Variants in TRAK1 observed in about 807,000 individuals in gnomAD.
TRAK1 encodes trafficking kinesin protein 1.
TRAK1 carries 33 observed loss-of-function variants against 92.1 expected under a neutral mutation model. That is an observed-to-expected ratio of 0.36 (90% CI 0.27 to 0.48). The LOEUF is 0.48. Ranked by LOEUF, TRAK1 falls within the 20% of genes least tolerant of loss-of-function variation. TRAK1 has a pLI of 0.99. For missense variants in TRAK1, 1,123 were observed against 1,257.9 expected, an observed-to-expected ratio of 0.89 and a Z score of 1.62; for synonymous variants, 521 against 517.3, an observed-to-expected ratio of 1.01 and a Z score of -0.10.
intron 1 of TRAK1, among the ~76,000 whole-genome samples, chr3:42,033,255 G>A (rs1702215419): frequency 6.6e-6 from 1 of 152,214 alleles, no homozygotes; most frequent in South Asian, 2.1e-4. Flanking sequence ...TCTGGTGTGG[G>A]GATAAGGGAT....
At chr3:42,096,075 C>T (rs979879437) in intron 1 of TRAK1, among the ~76,000 whole-genome samples, 4 of 152,146 alleles carry the variant, frequency 2.6e-5, no homozygotes, top group African/African-American at 9.7e-5. Context: ...GTTGACAAGC[C>T]ACCAGTTTAT....
At chr3:42,190,760 C>T (rs1356010896) in intron 6 of TRAK1, among the ~76,000 whole-genome samples, 2 of 151,116 alleles carry the variant, frequency 1.3e-5, no homozygotes, top group Non-Finnish European at 3.0e-5. Context: ...CTCTTTCTCT[C>T]CCTCTTTCTC....
chr3:42,130,517 C>T (rs572049363), intron 2 of TRAK1, among the ~76,000 whole-genome samples: 1 of 152,116 alleles, frequency 6.6e-6, no homozygotes, highest in Non-Finnish European at 1.5e-5. Context: ...TGGTATTTAC[C>T]TCTGATCCTT....
At chr3:42,028,926 T>G (rs1056403214) in intron 1 of TRAK1, among the ~76,000 whole-genome samples, 3 of 152,250 alleles carry the variant, frequency 2.0e-5, no homozygotes, top group East Asian at 1.9e-4. Context: ...TACCTAGGAT[T>G]GGGTAATTTA....
chr3:42,039,621 C>T (rs923947399), intron 1 of TRAK1, among the ~76,000 whole-genome samples: 12 of 152,230 alleles, frequency 7.9e-5, no homozygotes, highest in African/African-American at 2.9e-4. Flanking sequence ...ACTTTGGCCT[C>T]CCAAAGTGTT....
chr3:42,042,389 T>C (rs1702581985), intron 1 of TRAK1, among the ~76,000 whole-genome samples: 1 of 152,138 alleles, frequency 6.6e-6, no homozygotes, highest in Non-Finnish European at 1.5e-5. Flanking sequence ...ATTATTGTCT[T>C]GAGACAGGGT....
chr3:42,156,064 G>A (rs1484450783), intron 2 of TRAK1, among the ~76,000 whole-genome samples: 1 of 152,094 alleles, frequency 6.6e-6, no homozygotes, highest in African/African-American at 2.4e-5. Flanking sequence ...CTTTGATACG[G>A]CACACACATC....
At chr3:42,076,470 C>T (rs1433321653) in intron 1 of TRAK1, among the ~76,000 whole-genome samples, 1 of 152,190 alleles carries the variant, frequency 6.6e-6, no homozygotes, top group Admixed American at 6.5e-5. Flanking sequence ...AGGTGATCCA[C>T]CCGCCTCGGC....
intron 14 of TRAK1, chr3:42,211,235 C>T: frequency 1.0e-6 from 1 of 985,194 alleles, no homozygotes; most frequent in Non-Finnish European, 1.2e-6. Context: ...TCTCCCATTC[C>T]CCTGGCTAAT....
intron 1 of TRAK1, among the ~76,000 whole-genome samples, chr3:42,079,484 T>C (rs1704326798): frequency 6.7e-6 from 1 of 149,560 alleles, no homozygotes; most frequent in South Asian, 2.1e-4. Context: ...CTTCTTTTTT[T>C]TTTTTTTTTG....
chr3:42,123,780 C>G (rs183845990), intron 1 of TRAK1, among the ~76,000 whole-genome samples: 2 of 151,972 alleles, frequency 1.3e-5, no homozygotes, highest in African/African-American at 4.8e-5. Context: ...GTTTGGTCCT[C>G]CACTTGATCC....
intron 1 of TRAK1, among the ~76,000 whole-genome samples, chr3:42,023,172 A>AC (rs1553700164): frequency 6.6e-6 from 1 of 151,412 alleles, no homozygotes; most frequent in South Asian, 2.1e-4. Context: ...AAAAAAAAAA[A>AC]AACAACAAAA....
intron 1 of TRAK1, among the ~76,000 whole-genome samples, chr3:42,049,090 T>G (rs942330363): frequency 8.5e-5 from 13 of 152,180 alleles, no homozygotes; most frequent in African/African-American, 3.1e-4. Flanking sequence ...AGTTTCACCA[T>G]GTTGCCCAGG....
intron 15 of TRAK1, among the ~76,000 whole-genome samples, chr3:42,222,475 C>G (rs995747142): frequency 6.6e-6 from 1 of 152,134 alleles, no homozygotes; most frequent in Non-Finnish European, 1.5e-5. Flanking sequence ...CTCCCAGAGT[C>G]CTGGTTCACG....
At chr3:42,150,014 G>C (rs892741253) in intron 2 of TRAK1, among the ~76,000 whole-genome samples, 24 of 151,026 alleles carry the variant, frequency 1.6e-4, no homozygotes, top group African/African-American at 5.8e-4. Context: ...TTCAGGAGGT[G>C]GCTTCCTGGA....
At chr3:42,165,260 TG>T (rs1220816791) in intron 2 of TRAK1, among the ~76,000 whole-genome samples, 2 of 151,826 alleles carry the variant, frequency 1.3e-5, no homozygotes, top group Non-Finnish European at 1.5e-5. Flanking sequence ...AGTATGTGAG[TG>T]GGCAGAGTCA....
intron 1 of TRAK1, among the ~76,000 whole-genome samples, chr3:42,062,938 A>C (rs1036797765): frequency 6.6e-6 from 1 of 152,204 alleles, no homozygotes; most frequent in African/African-American, 2.4e-5. Flanking sequence ...CCCCAGAGCC[A>C]CCTTAGGAGA....
intron 1 of TRAK1, among the ~76,000 whole-genome samples, chr3:42,103,022 T>G (rs1460859272): frequency 6.6e-6 from 1 of 152,222 alleles, no homozygotes; most frequent in Non-Finnish European, 1.5e-5. Flanking sequence ...TTAGTGGTTT[T>G]TAGTATGTTC....
chr3:42,061,025 T>A (rs756795978), intron 1 of TRAK1, among the ~76,000 whole-genome samples: 3 of 152,170 alleles, frequency 2.0e-5, no homozygotes, highest in Non-Finnish European at 4.4e-5. Context: ...AGGGACTTAA[T>A]GACTTATGCT....
Sources: gnomAD v4.1 joint callset for allele counts (sites outside exome capture counted in the v4.1 genomes callset) on GRCh38, gnomAD v4.1.1 for gene constraint, MANE v1.5 for transcripts, NCBI Gene and HGNC (gene_info 2026-07-23, HGNC 2026-07-21) for gene names.